EHF: variants seen among roughly 807,000 people sequenced by gnomAD.
EHF encodes ETS homologous factor, also known as ESE3 transcription factor.
Under a neutral mutation model 45.1 loss-of-function variants are expected in EHF, and 14 were observed. The ratio of observed to expected loss-of-function variants is 0.31; its 90% CI spans 0.21 to 0.49. The LOEUF (loss-of-function observed/expected upper bound fraction) is 0.49. EHF is among the 20% of genes least tolerant of loss of function. The probability of loss-of-function intolerance (pLI) is 0.99; values close to 1 mark genes in which losing one functional copy is unlikely to be tolerated. For synonymous variants in EHF, 136 were observed against 131.8 expected (o/e 1.03, Z -0.22); for missense variants, 282 against 371.4 (o/e 0.76, Z 1.98).
At chr11:34,646,762 T>C (rs1488225898) in intron 3 of EHF, 78 bp downstream of exon 3, 2 of 1,562,332 alleles carry the variant, frequency 1.3e-6, no homozygotes, top group Middle Eastern at 1.7e-4. Flanking sequence ...GATGACAGGA[T>C]TCTTTGTCAG....
At chr11:34,629,221 G>A (rs117423653) in intron 1 of EHF, among the ~76,000 whole-genome samples, 1,885 of 152,304 alleles carry the variant, frequency 0.012, 12 homozygotes, top group Middle Eastern at 0.024. Flanking sequence ...CTGGAAAGAT[G>A]GCTGAATAAT....
At chr11:34,641,282 A>G (rs996904048) in intron 1 of EHF, among the ~76,000 whole-genome samples, 1 of 152,224 alleles carries the variant, frequency 6.6e-6, no homozygotes, top group African/African-American at 2.4e-5. Context: ...AGCCTAGTTC[A>G]ACCTTTAATT....
chr11:34,661,597 A>C lies in EHF; in HGVS notation c.*2666A>C, dbSNP rs1856089360. Among the ~76,000 whole-genome samples, 1 of 152,088 alleles carries C rather than the reference A, an allele frequency of 6.6e-6. No homozygotes were observed. On this transcript the variant is annotated 3_prime_UTR_variant, in exon 9 of 9. Coordinates refer to ENST00000257831, the MANE Select transcript of EHF (RefSeq NM_012153.6). ...CTCAGCATATCTCTCTATTGTCTTG[A>C]CTTGAGTTTGCTGCATTTTCTATGT...
At chr11:34,634,901 G>A (rs533100475) in intron 1 of EHF, among the ~76,000 whole-genome samples, 35 of 152,228 alleles carry the variant, frequency 2.3e-4, no homozygotes, top group African/African-American at 8.4e-4. Flanking sequence ...AGCAGAGAGT[G>A]GCCCAGTTCC....
At chr11:34,636,081 G>A (rs1328083467) in intron 1 of EHF, among the ~76,000 whole-genome samples, 2 of 152,148 alleles carry the variant, frequency 1.3e-5, no homozygotes, top group Non-Finnish European at 2.9e-5. Context: ...AGCTTTGCTC[G>A]AAATGAACTT....
intron 1 of EHF, chr11:34,624,228 C>T (rs1175792201): frequency 1.0e-6 from 1 of 979,836 alleles, no homozygotes; most frequent in Non-Finnish European, 1.2e-6. Context: ...GAGGCATTGG[C>T]TCCACTGCAG....
chr11:34,655,136 C>T (rs902752236), intron 6 of EHF, among the ~76,000 whole-genome samples: 1 of 152,132 alleles, frequency 6.6e-6, no homozygotes, highest in Admixed American at 6.5e-5. Context: ...TTTGTCCTCT[C>T]GGATTTCAGA....
At chr11:34,634,057 G>T (rs1485896826) in intron 1 of EHF, among the ~76,000 whole-genome samples, 10 of 152,156 alleles carry the variant, frequency 6.6e-5, no homozygotes, top group Admixed American at 6.5e-4. Flanking sequence ...ACATTATAAG[G>T]CTATGAAATT....
intron 5 of EHF, 57 bp from the exon 6 acceptor site, chr11:34,651,680 A>C (rs983749519): frequency 3.7e-6 from 6 of 1,608,756 alleles, no homozygotes; most frequent in Non-Finnish European, 5.1e-6. Context: ...ACAGTGTTCT[A>C]TTGTGAGGTG....
chr11:34,648,673 G>A (rs181810317), intron 3 of EHF, among the ~76,000 whole-genome samples: 281 of 152,192 alleles, frequency 1.8e-3, no homozygotes, highest in Admixed American at 2.6e-3. Flanking sequence ...GTTACAGATG[G>A]GGAAACTGAG....
In EHF at chr11:34,647,844, T is replaced by C. The variant is rs114502450; in HGVS notation, c.343+1160T>C. ...GCTGCTCTTTTTTCTTTGACTAGAA[T>C]CAAACCAAACAAGGCTCTATAAATA... is the stretch of plus-strand genomic sequence containing the variant. On this transcript the variant is annotated intron_variant, in intron 3 of 8. Coordinates refer to ENST00000257831, the MANE Select transcript of EHF (RefSeq NM_012153.6). Among the ~76,000 whole-genome samples, 1,390 of 152,314 alleles carry C rather than the reference T, an allele frequency of 9.1e-3. 21 individuals are homozygous for C. Among genetic ancestry groups the C allele is most frequent in the African/African-American group, 0.03 (1,266 of 41,572 alleles).
intron 2 of EHF, among the ~76,000 whole-genome samples, chr11:34,644,411 A>G (rs1854312083): frequency 6.6e-6 from 1 of 152,254 alleles, no homozygotes; most frequent in African/African-American, 2.4e-5. Flanking sequence ...CTATTTCCAT[A>G]TAATTAGATT....
chr11:34,659,981 A>C lies in EHF; in HGVS notation c.*1050A>C, dbSNP rs1855986360. On this transcript the variant is annotated 3_prime_UTR_variant, in exon 9 of 9. Transcript: ENST00000257831. Reference sequence around the variant, plus strand: ...ACCAAATGTTCCCTGGGGGTGGCAAATTTGCCCTTGATTGAGAACCACCAG... The same window carrying C: ...ACCAAATGTTCCCTGGGGGTGGCAACTTTGCCCTTGATTGAGAACCACCAG... 6.6e-6 allele frequency: 1 copy of C among 152,094 alleles called. No homozygotes were observed. The highest frequency in any genetic ancestry group is 1.5e-5 in the Non-Finnish European group (1 of 67,990). 9.4% of individuals were successfully genotyped at this position (152,094 alleles called of 1,614,324 possible). A position where few individuals can be genotyped will look rare whatever the true frequency, so the allele number is the denominator to read the frequency against.
rs1235682790 is a variant in EHF, at chr11:34,646,445, G to A, written c.104G>A (p.Ser35Asn). The A allele has an allele frequency of 1.2e-6, 2 of 1,614,114 alleles. No homozygotes were observed. Among genetic ancestry groups the A allele is most frequent in the East Asian group, 2.2e-5 (1 of 44,886 alleles). Residue 35 changes from serine to asparagine, a missense_variant, in exon 3 of 9, where the codon AGT (serine) becomes AAT (asparagine). Around this residue, in one of 3 missense-constraint regions of EHF, gnomAD observed 213 missense variants for 247.3 expected, o/e 0.86. Transcript: ENST00000257831. ...GCTGCTTCCTGTTTTGCAGTTTCCAGTGGGTTTTTTGGAGGCCAGTGGCAT... is the reference window on the plus strand; with the variant it reads ...GCTGCTTCCTGTTTTGCAGTTTCCAATGGGTTTTTTGGAGGCCAGTGGCAT... ...TDSYSTCNVS[S>N]GFFGGQWHEI...
At chr11:34,657,438 A>G (rs1177290075) in intron 7 of EHF, among the ~76,000 whole-genome samples, 1 of 152,176 alleles carries the variant, frequency 6.6e-6, no homozygotes, top group African/African-American at 2.4e-5. Flanking sequence ...GGTCTCCTTC[A>G]GTAATAAAAT....
chr11:34,641,474 T>C lies in EHF; in HGVS notation c.-3-1154T>C, dbSNP rs1164571182. On this transcript the variant is annotated intron_variant, in intron 1 of 8. Coordinates refer to ENST00000257831, the MANE Select transcript of EHF (RefSeq NM_012153.6). ...AATTAGGGGAAGGAATGCCAAGGGCTGAAAATCCTCTGGGTTGGCAATTGT... is the reference window on the plus strand; with the variant it reads ...AATTAGGGGAAGGAATGCCAAGGGCCGAAAATCCTCTGGGTTGGCAATTGT... Among the ~76,000 whole-genome samples the C allele has an allele frequency of 8.5e-5, 13 of 152,318 alleles. 1 individual carries two copies. Among genetic ancestry groups the C allele is most frequent in the Non-Finnish European group, 1.5e-5 (1 of 68,024 alleles).
chr11:34,648,566 T>G (rs1854814976), intron 3 of EHF, among the ~76,000 whole-genome samples: 2 of 152,150 alleles, frequency 1.3e-5, no homozygotes, highest in African/African-American at 4.8e-5. Context: ...ATCAAGCTAG[T>G]TAAAAAGGTT....
intron 3 of EHF, among the ~76,000 whole-genome samples, chr11:34,647,383 T>A (rs1027334109): frequency 6.6e-6 from 1 of 152,238 alleles, no homozygotes; most frequent in Non-Finnish European, 1.5e-5. Context: ...CCATTCCAGA[T>A]GTTGTCTTTG....
chr11:34,644,866 G>A (rs1461365949), intron 2 of EHF, among the ~76,000 whole-genome samples: 1 of 152,208 alleles, frequency 6.6e-6, no homozygotes, highest in Non-Finnish European at 1.5e-5. Context: ...ATCAGAATCG[G>A]CATTTGAACA....
Sources: gnomAD v4.1 joint callset for allele counts (sites outside exome capture counted in the v4.1 genomes callset) on GRCh38, gnomAD v4.1.1 for gene constraint, gnomAD v4.1.1 regional missense constraint, MANE v1.5 for transcripts, NCBI Gene and HGNC (gene_info 2026-07-23, HGNC 2026-07-21) for gene names.